Variants in NCAM2 observed in about 807,000 individuals in gnomAD.
NCAM2 encodes N-CAM-2.
In NCAM2, 30 loss-of-function variants were observed where a neutral mutation model predicts 98.1. The ratio of observed to expected loss-of-function variants is 0.31; its 90% CI spans 0.23 to 0.41. NCAM2 has a LOEUF of 0.41. Ranked by LOEUF, NCAM2 falls within the 10% of genes least tolerant of loss-of-function variation. The pLI is 1.00. For synonymous variants in NCAM2, 368 were observed against 342.4 expected (o/e 1.07, Z -0.83); for missense variants, 867 against 1,005.8 (o/e 0.86, Z 1.87).
chr21:21,341,508 C>T (rs1264055278), intron 8 of NCAM2, among the ~76,000 whole-genome samples: 3 of 151,990 alleles, frequency 2.0e-5, no homozygotes, highest in Non-Finnish European at 2.9e-5. Flanking sequence ...AACTATAAAA[C>T]AAAACTAAAC....
intron 1 of NCAM2, among the ~76,000 whole-genome samples, chr21:21,145,881 C>T (rs1422890176): frequency 6.6e-6 from 1 of 152,060 alleles, no homozygotes; most frequent in Non-Finnish European, 1.5e-5. Context: ...TACTACTGTA[C>T]TTAAGGAGCT....
At chr21:21,391,285 C>T (rs951040439) in intron 9 of NCAM2, among the ~76,000 whole-genome samples, 3 of 151,990 alleles carry the variant, frequency 2.0e-5, no homozygotes, top group African/African-American at 4.8e-5. Flanking sequence ...ATTGAACATA[C>T]TTACAAATAT....
At chr21:21,520,561 C>G (rs2146387049) in intron 16 of NCAM2, among the ~76,000 whole-genome samples, 1 of 152,182 alleles carries the variant, frequency 6.6e-6, no homozygotes, top group East Asian at 1.9e-4. Flanking sequence ...ACAAAACAAA[C>G]CAAAACAATA....
chr21:21,169,035 A>C (rs1464145290), intron 1 of NCAM2, among the ~76,000 whole-genome samples: 1 of 152,156 alleles, frequency 6.6e-6, no homozygotes, highest in Non-Finnish European at 1.5e-5. Flanking sequence ...ATTAGACTTT[A>C]AGATTTACTA....
intron 1 of NCAM2, among the ~76,000 whole-genome samples, chr21:21,216,158 C>T (rs569196261): frequency 6.6e-6 from 1 of 152,174 alleles, no homozygotes; most frequent in African/African-American, 2.4e-5. Flanking sequence ...GACTATGTGC[C>T]AGGCACTATT....
At chr21:21,426,050 T>A (rs80276214) in intron 11 of NCAM2, among the ~76,000 whole-genome samples, 3,545 of 152,162 alleles carry the variant, frequency 0.023, 111 homozygotes, top group African/African-American at 0.081. Context: ...CCTTATATGG[T>A]GAAAGGGGCA....
At chr21:21,522,989 T>C (rs1368122636) in intron 16 of NCAM2, among the ~76,000 whole-genome samples, 2 of 152,220 alleles carry the variant, frequency 1.3e-5, no homozygotes, top group Admixed American at 6.5e-5. Context: ...AATCATTTGA[T>C]CATTTTTAAA....
intron 1 of NCAM2, among the ~76,000 whole-genome samples, chr21:21,270,779 AC>A (rs2072467190): frequency 6.6e-6 from 1 of 151,828 alleles, no homozygotes; most frequent in Non-Finnish European, 1.5e-5. Context: ...TACATGCTTG[AC>A]CTTTGGGAGA....
At chr21:21,480,778 GAC>G (rs1443060904) in intron 15 of NCAM2, among the ~76,000 whole-genome samples, 3 of 152,208 alleles carry the variant, frequency 2.0e-5, no homozygotes, top group African/African-American at 7.2e-5. Flanking sequence ...AAAATTTCCT[GAC>G]ACATTATAAG....
chr21:21,086,513 A>G (rs2065908380), intron 1 of NCAM2, among the ~76,000 whole-genome samples: 1 of 152,210 alleles, frequency 6.6e-6, no homozygotes, highest in African/African-American at 2.4e-5. Context: ...ATGGTCAGAG[A>G]AAGTTTATCT....
intron 13 of NCAM2, among the ~76,000 whole-genome samples, chr21:21,466,958 C>T (rs1253813418): frequency 3.9e-5 from 6 of 151,906 alleles, no homozygotes; most frequent in Non-Finnish European, 1.5e-5. Flanking sequence ...AAAAATTGTT[C>T]CCGGGAAATT....
At chr21:21,335,389 G>A in intron 6 of NCAM2, 116 bp from the exon 7 acceptor site, 1 of 668,220 alleles carries the variant, frequency 1.5e-6, no homozygotes, top group South Asian at 4.0e-5. Flanking sequence ...ATATAGCCCT[G>A]TCTTTCAATG....
Position 21,411,014 on chromosome 21 carries a change from A to AT in NCAM2, c.1383+553_1383+554insT, listed in dbSNP as rs1375644532. On this transcript the variant is annotated intron_variant, in intron 10 of 17. Coordinates refer to ENST00000400546, the MANE Select transcript of NCAM2 (RefSeq NM_004540.5). The stretch of plus-strand genomic sequence containing the variant: ...GAGCGAGACTCCGTCTTAAAAAAAA[A>AT]AATATATATATATATATACACACAT... Among the ~76,000 whole-genome samples the AT allele has an allele frequency of 2.5e-3, 197 of 78,326 alleles. 7 individuals carry two copies. The highest frequency in any genetic ancestry group is 5.9e-3 in the East Asian group (18 of 3,072). The allele number at this position is 78,326 out of a possible 152,430, so 51.4% of individuals were successfully genotyped here.
Position 21,534,342 on chromosome 21 carries a change from C to A in NCAM2, c.2283-195C>A, listed in dbSNP as rs957495107. 6.6e-5 allele frequency among the ~76,000 whole-genome samples: 10 copies of A among 151,696 alleles called. No homozygotes were observed. In the South Asian group the frequency reaches 1.2e-3, roughly 19 times the overall value. ...AATCTATCTAGAAAAAATGGAATTT[C>A]TTCCTTTTTTTCTGAGTGATAATAT... On this transcript the variant is annotated intron_variant, in intron 16 of 17. Coordinates refer to ENST00000400546, the MANE Select transcript of NCAM2 (RefSeq NM_004540.5).
At chr21:21,358,099 A>T (rs1218257984) in intron 8 of NCAM2, among the ~76,000 whole-genome samples, 1 of 152,126 alleles carries the variant, frequency 6.6e-6, no homozygotes, top group African/African-American at 2.4e-5. Flanking sequence ...TCTCTAGCGT[A>T]ATCTGCAAGA....
At chr21:21,394,465 C>T in intron 9 of NCAM2, among the ~76,000 whole-genome samples, 1 of 112,498 alleles carries the variant, frequency 8.9e-6, no homozygotes, top group Admixed American at 9.1e-5. Flanking sequence ...ATTTAAGGGG[C>T]CAGCTTTTTT....
chr21:21,178,808 G>T (rs1054459335), intron 1 of NCAM2, among the ~76,000 whole-genome samples: 1 of 151,920 alleles, frequency 6.6e-6, no homozygotes, highest in African/African-American at 2.4e-5. Context: ...TCTAAAAAAT[G>T]ATTACTATCA....
chr21:21,107,120 C>G (rs750029637), intron 1 of NCAM2, among the ~76,000 whole-genome samples: 44 of 152,148 alleles, frequency 2.9e-4, no homozygotes, highest in Non-Finnish European at 5.6e-4. Flanking sequence ...GTTCTTAAAA[C>G]GTCTGGTAAT....
chr21:21,062,560 C>A (rs115541757), intron 1 of NCAM2, among the ~76,000 whole-genome samples: 1 of 152,146 alleles, frequency 6.6e-6, no homozygotes, highest in African/African-American at 2.4e-5. Context: ...AAGGAGCTAA[C>A]GCTACCGATA....
Sources: allele counts gnomAD v4.1 joint callset (sites outside exome capture counted in the v4.1 genomes callset), GRCh38; gene constraint gnomAD v4.1.1; transcripts MANE v1.5; gene names NCBI Gene and HGNC (gene_info 2026-07-23, HGNC 2026-07-21).